Variants in AGBL1 observed in about 807,000 individuals in gnomAD.
AGBL1 encodes the protein AGBL carboxypeptidase 1, also known as cytosolic carboxypeptidase 4.
AGBL1 carries 130 observed loss-of-function variants against 118.9 expected under a neutral mutation model. That is an observed-to-expected ratio of 1.09 (90% CI 0.95 to 1.26). AGBL1 has a LOEUF of 1.26. Ranked by LOEUF, AGBL1 falls within the 50% of genes most tolerant of loss-of-function variation. The probability of loss-of-function intolerance (pLI) is 0.00; values close to 1 mark genes in which losing one functional copy is unlikely to be tolerated. For synonymous variants in AGBL1, 555 were observed against 478.9 expected (o/e 1.16, Z -2.08); for missense variants, 1,584 against 1,298.1 (o/e 1.22, Z -3.38).
At chr15:86,587,010 T>TA (rs2084258575) in intron 21 of AGBL1, among the ~76,000 whole-genome samples, 1 of 152,006 alleles carries the variant, frequency 6.6e-6, no homozygotes, top group Admixed American at 6.6e-5. Context: ...TATGAGGAAG[T>TA]AAAAAGGTCA....
chr15:86,635,871 G>GT (rs1421816360), intron 21 of AGBL1, among the ~76,000 whole-genome samples: 3 of 152,140 alleles, frequency 2.0e-5, no homozygotes, highest in African/African-American at 7.2e-5. Context: ...TGCCAAAGGA[G>GT]TTATCAATAG....
At chr15:87,028,403 G>C (rs1327851785) in intron 24 of AGBL1, among the ~76,000 whole-genome samples, 1 of 151,890 alleles carries the variant, frequency 6.6e-6, no homozygotes, top group Non-Finnish European at 1.5e-5. Context: ...ATTTATTCAA[G>C]TGGCCAATTT....
At chr15:86,938,402 T>C (rs763479138) in intron 23 of AGBL1, among the ~76,000 whole-genome samples, 3 of 152,180 alleles carry the variant, frequency 2.0e-5, no homozygotes, top group Non-Finnish European at 4.4e-5. Context: ...CCTAATTTGG[T>C]AGAGCTACTA....
chr15:86,695,849 GA>G (rs1171637955), intron 22 of AGBL1, among the ~76,000 whole-genome samples: 2 of 151,694 alleles, frequency 1.3e-5, no homozygotes, highest in African/African-American at 4.8e-5. Context: ...TTTCATTATT[GA>G]CCCAATGATC....
At chr15:86,137,171 T>C (rs1350668331) in intron 1 of AGBL1, among the ~76,000 whole-genome samples, 1 of 152,226 alleles carries the variant, frequency 6.6e-6, no homozygotes, top group Non-Finnish European at 1.5e-5. Context: ...TCTCCACTGA[T>C]CACCATAATG....
intron 22 of AGBL1, among the ~76,000 whole-genome samples, chr15:86,687,837 C>G (rs992142330): frequency 6.6e-6 from 1 of 152,108 alleles, no homozygotes; most frequent in Non-Finnish European, 1.5e-5. Flanking sequence ...CAGATATACA[C>G]TGAAATATTG....
At chr15:86,608,427 T>A (rs540301842) in intron 21 of AGBL1, among the ~76,000 whole-genome samples, 3 of 152,332 alleles carry the variant, frequency 2.0e-5, no homozygotes, top group African/African-American at 7.2e-5. Context: ...AATATTTGCC[T>A]AAACACAACG....
At chr15:86,957,778 T>C (rs2080945531) in intron 23 of AGBL1, among the ~76,000 whole-genome samples, 1 of 152,164 alleles carries the variant, frequency 6.6e-6, no homozygotes, top group African/African-American at 2.4e-5. Context: ...CTTGTCGTAT[T>C]AATCTATAAG....
chr15:86,418,788 C>T (rs375840875), intron 18 of AGBL1, among the ~76,000 whole-genome samples: 1 of 152,192 alleles, frequency 6.6e-6, no homozygotes, highest in East Asian at 1.9e-4. Context: ...CTTAGTCTTA[C>T]CTGTCCTCAG....
At chr15:86,529,771 C>A (rs2083322817) in intron 19 of AGBL1, among the ~76,000 whole-genome samples, 1 of 151,862 alleles carries the variant, frequency 6.6e-6, no homozygotes. Context: ...CGGCAGAAAC[C>A]CTGCAAGCCA....
intron 24 of AGBL1, among the ~76,000 whole-genome samples, chr15:87,028,399 T>C (rs989276867): frequency 5.3e-5 from 8 of 152,002 alleles, no homozygotes; most frequent in Non-Finnish European, 1.0e-4. Context: ...TTAAATTTAT[T>C]CAAGTGGCCA....
chr15:86,580,879 G>A (rs1206437068), intron 21 of AGBL1, among the ~76,000 whole-genome samples: 5 of 151,932 alleles, frequency 3.3e-5, no homozygotes, highest in African/African-American at 1.2e-4. Flanking sequence ...TTGCTTTGAA[G>A]CCTTCATGCT....
intron 18 of AGBL1, among the ~76,000 whole-genome samples, chr15:86,410,661 A>G (rs12440121): frequency 0.12 from 18,178 of 149,880 alleles, 1,168 homozygotes; most frequent in Admixed American, 0.17. Flanking sequence ...TAGGGCATCT[A>G]TGTTCTTCTC....
At chr15:86,462,849 G>A (rs1159335615) in intron 18 of AGBL1, among the ~76,000 whole-genome samples, 2 of 152,066 alleles carry the variant, frequency 1.3e-5, no homozygotes, top group Non-Finnish European at 2.9e-5. Flanking sequence ...ACATTGATGG[G>A]CTTTTGGGTT....
intron 22 of AGBL1, among the ~76,000 whole-genome samples, chr15:86,843,842 C>T (rs1348672138): frequency 6.6e-6 from 1 of 152,124 alleles, no homozygotes; most frequent in Non-Finnish European, 1.5e-5. Flanking sequence ...TTTTAGAATA[C>T]AGTATTATCA....
intron 23 of AGBL1, among the ~76,000 whole-genome samples, chr15:86,943,963 G>A (rs1040230535): frequency 6.6e-6 from 1 of 152,122 alleles, no homozygotes; most frequent in Non-Finnish European, 1.5e-5. Flanking sequence ...GGCACATGGA[G>A]TACTTTTGGA....
chr15:86,264,637 G>A lies in AGBL1; in HGVS notation c.1466G>A (p.Arg489Lys). The change falls in exon 11 of 23, where the codon AGA becomes AAA. Residue 489 changes from arginine (R) to lysine (K), a missense_variant. Arg to Lys is a conservative substitution (Grantham distance 26). Coordinates refer to ENST00000614907, the MANE Select transcript of AGBL1 (RefSeq NM_001386094.1). ...SASFSNSTRTREVVKVIDKLL... is the reference protein window; with the variant it reads ...SASFSNSTRTKEVVKVIDKLL... ...TCCTTTTCTAATTCCACTAGGACTA[G>A]AGAAGTTGTCAAAGTAATAGATAAG... 6.2e-7 allele frequency: 1 copy of A among 1,613,976 alleles called. No individual in the cohort carries two copies. Among genetic ancestry groups the A allele is most frequent in the East Asian group, 2.2e-5 (1 of 44,884 alleles).
At chr15:86,451,575 G>T (rs2082193193) in intron 18 of AGBL1, among the ~76,000 whole-genome samples, 1 of 152,128 alleles carries the variant, frequency 6.6e-6, no homozygotes, top group African/African-American at 2.4e-5. Context: ...GTATTAATTT[G>T]GGATACCATG....
intron 1 of AGBL1, among the ~76,000 whole-genome samples, chr15:86,096,854 C>G (rs755957059): frequency 4.6e-5 from 7 of 152,174 alleles, no homozygotes; most frequent in Non-Finnish European, 7.4e-5. Flanking sequence ...GATCTGAAGT[C>G]AAATGCTCTA....
Sources: gnomAD v4.1 joint callset for allele counts (sites outside exome capture counted in the v4.1 genomes callset) on GRCh38, gnomAD v4.1.1 for gene constraint, MANE v1.5 for transcripts, NCBI Gene and HGNC (gene_info 2026-07-23, HGNC 2026-07-21) for gene names.